TSHZ3: variants seen among roughly 807,000 people sequenced by gnomAD.
The protein encoded by TSHZ3 is teashirt homolog 3.
A neutral mutation model predicts 64.5 loss-of-function variants in TSHZ3; 10 were observed. That is an observed-to-expected ratio of 0.16 (90% CI 0.10 to 0.26). TSHZ3 has a LOEUF of 0.26. TSHZ3 is among the 10% of genes least tolerant of loss of function. TSHZ3 has a pLI of 1.00. For missense variants in TSHZ3, 1,242 were observed against 1,421.7 expected, an observed-to-expected ratio of 0.87 and a Z score of 2.03; for synonymous variants, 608 against 593.1, an observed-to-expected ratio of 1.03 and a Z score of -0.36.
At chr19:31,303,380 T>TGA (rs1976786206) in intron 1 of TSHZ3, among the ~76,000 whole-genome samples, 1 of 152,218 alleles carries the variant, frequency 6.6e-6, no homozygotes, top group Non-Finnish European at 1.5e-5. Flanking sequence ...CGGCAGCCTC[T>TGA]GAGATGGCAT....
chr19:31,300,679 G>C (rs1976740594), intron 1 of TSHZ3, among the ~76,000 whole-genome samples: 1 of 152,168 alleles, frequency 6.6e-6, no homozygotes, highest in African/African-American at 2.4e-5. Flanking sequence ...GGCCCCACAA[G>C]CCTGGGGTCA....
chr19:31,207,043 C>T (rs79556143), intron 4 of TSHZ3, among the ~76,000 whole-genome samples: 2,240 of 152,130 alleles, frequency 0.015, 48 homozygotes, highest in African/African-American at 0.051. Flanking sequence ...TAAGACTAGG[C>T]GGGAAGAGTG....
chr19:31,281,594 A>T lies in TSHZ3; in HGVS notation c.41-1842T>A, dbSNP rs76679699. On this transcript the variant is annotated intron_variant, in intron 1 of 1. Transcript: ENST00000240587. The stretch of plus-strand genomic sequence containing the variant: ...TGTGGGGAACCTCAAGTTTAAGGCC[A>T]TGCACTTTGAGATGACAAATAAAGA... Among the ~76,000 whole-genome samples the T allele has an allele frequency of 8.5e-3, 1,291 of 152,316 alleles. 14 individuals carry two copies. The highest frequency in any genetic ancestry group is 0.03 in the African/African-American group (1,246 of 41,570).
chr19:31,349,498 G>C (rs2021638309), upstream of TSHZ3: 1 of 365,202 alleles, frequency 2.7e-6, no homozygotes, highest in Non-Finnish European at 4.8e-6. Context: ...GGCAGAGGAG[G>C]AGGAGGTGGA....
intron 4 of TSHZ3, among the ~76,000 whole-genome samples, chr19:31,210,001 A>C (rs1271658777): frequency 6.6e-6 from 1 of 152,154 alleles, no homozygotes; most frequent in African/African-American, 2.4e-5. Flanking sequence ...TTGATTTTGA[A>C]GGAGGTAACA....
intron 1 of TSHZ3, among the ~76,000 whole-genome samples, chr19:31,245,377 G>A (rs1312276160): frequency 2.6e-5 from 4 of 152,020 alleles, no homozygotes; most frequent in African/African-American, 7.2e-5. Context: ...AAGATAGGGG[G>A]GCTATTGCTC....
chr19:31,199,854 C>T (rs915521083), intron 5 of TSHZ3, among the ~76,000 whole-genome samples: 1 of 139,628 alleles, frequency 7.2e-6, no homozygotes, highest in Non-Finnish European at 1.5e-5. Context: ...AAACAAAGAA[C>T]TCTTAAAACT....
intron 1 of TSHZ3, among the ~76,000 whole-genome samples, chr19:31,341,503 CA>C (rs1225858722): frequency 2.6e-5 from 4 of 152,182 alleles, no homozygotes; most frequent in South Asian, 4.2e-4. Context: ...CCCCCACCCC[CA>C]TGAAAGGTGT....
chr19:31,175,905 T>C (rs1325926676), intron 5 of TSHZ3, among the ~76,000 whole-genome samples: 2 of 152,190 alleles, frequency 1.3e-5, no homozygotes, highest in African/African-American at 2.4e-5. Context: ...AAGGTTCTGG[T>C]CTGGGAATCA....
At chr19:31,342,695 T>A (rs1031792158) in intron 1 of TSHZ3, among the ~76,000 whole-genome samples, 2 of 152,134 alleles carry the variant, frequency 1.3e-5, no homozygotes, top group Admixed American at 6.5e-5. Flanking sequence ...TGAATTGGAG[T>A]CATTTCACGT....
At chr19:31,219,217 C>A (rs1975369253) in intron 4 of TSHZ3, among the ~76,000 whole-genome samples, 1 of 152,204 alleles carries the variant, frequency 6.6e-6, no homozygotes, top group Admixed American at 6.5e-5. Context: ...ACACTTCTCC[C>A]AGTGGAGCTT....
At chr19:31,304,976 G>A (rs1976816366) in intron 1 of TSHZ3, among the ~76,000 whole-genome samples, 1 of 152,202 alleles carries the variant, frequency 6.6e-6, no homozygotes, top group South Asian at 2.1e-4. Context: ...GTGATCAGTT[G>A]CATAAATTTA....
chr19:31,274,880 AT>A (rs963047477), downstream of TSHZ3: 2 of 152,160 alleles, frequency 1.3e-5, no homozygotes, highest in Non-Finnish European at 2.9e-5. Context: ...ATCGCATACA[AT>A]TTAATTTTAA....
intron 5 of TSHZ3, among the ~76,000 whole-genome samples, chr19:31,194,860 C>A (rs757203279): frequency 1.3e-4 from 20 of 151,838 alleles, no homozygotes; most frequent in Non-Finnish European, 2.6e-4. Flanking sequence ...AACAGACAGG[C>A]AATGTAAGCA....
chr19:31,278,403 G>A lies in TSHZ3; in HGVS notation c.1390C>T (p.Pro464Ser). Residue 464 changes from proline (P) to serine (S), a missense_variant, in exon 2 of 2, where the codon CCA becomes TCA. Pro to Ser is a moderately conservative substitution (Grantham distance 74, BLOSUM62 -1). Around this residue, in one of 4 missense-constraint regions of TSHZ3, gnomAD observed 555 missense variants for 704.0 expected, o/e 0.79. Transcript: ENST00000240587. The surrounding 1 kb of genome is among the most constrained non-coding windows in gnomAD (Gnocchi z 4.7). ...SPSNTPASISPKLNVEVKKEV... is the reference protein window; with the variant it reads ...SPSNTPASISSKLNVEVKKEV... ...TTCTTGACCTCCACATTCAGTTTTGGGGAGATGCTGGCAGGTGTATTGGAG... is the reference window on the plus strand; with the variant it reads ...TTCTTGACCTCCACATTCAGTTTTGAGGAGATGCTGGCAGGTGTATTGGAG... 2 of 1,614,102 alleles carry A rather than the reference G, an allele frequency of 1.2e-6. No homozygotes were observed. Among genetic ancestry groups the A allele is most frequent in the Non-Finnish European group, 1.7e-6 (2 of 1,180,018 alleles).
At chr19:31,330,710 G>GT (rs893388231) in intron 1 of TSHZ3, among the ~76,000 whole-genome samples, 2 of 34,336 alleles carry the variant, frequency 5.8e-5, no homozygotes, top group South Asian at 1.1e-3. Context: ...ATCCTTGGGC[G>GT]GGGGGAGGAA....
intron 4 of TSHZ3, among the ~76,000 whole-genome samples, chr19:31,212,744 C>T (rs1287849047): frequency 1.3e-5 from 2 of 152,146 alleles, no homozygotes; most frequent in African/African-American, 2.4e-5. Flanking sequence ...TGCAATCCCA[C>T]TCCTTGATGT....
intron 1 of TSHZ3, among the ~76,000 whole-genome samples, chr19:31,328,037 G>A (rs1311634317): frequency 6.6e-6 from 1 of 152,194 alleles, no homozygotes; most frequent in East Asian, 1.9e-4. Flanking sequence ...TTCACACTTT[G>A]TTCTTGCAGA....
intron 5 of TSHZ3, among the ~76,000 whole-genome samples, chr19:31,189,034 T>C (rs568562910): frequency 6.6e-6 from 1 of 152,088 alleles, no homozygotes; most frequent in South Asian, 2.1e-4. Context: ...TTTTCAACTT[T>C]AAGTTGTTAA....
Sources: gnomAD v4.1 joint callset for allele counts (sites outside exome capture counted in the v4.1 genomes callset) on GRCh38, gnomAD v4.1.1 for gene constraint, gnomAD v4.1.1 regional missense constraint, Gnocchi (gnomAD v3.1) non-coding constraint, MANE v1.5 for transcripts, NCBI Gene and HGNC (gene_info 2026-07-23, HGNC 2026-07-21) for gene names.